SYT2: variants seen among roughly 807,000 people sequenced by gnomAD.
SYT2 encodes the protein synaptotagmin-2.
SYT2 carries 15 observed loss-of-function variants against 39.9 expected under a neutral mutation model. The ratio of observed to expected loss-of-function variants is 0.38; its 90% CI spans 0.25 to 0.58. The LOEUF is 0.58. SYT2 is among the 20% of genes least tolerant of loss of function. The pLI is 0.70. For synonymous variants in SYT2, 181 were observed against 204.5 expected, an observed-to-expected ratio of 0.89 and a Z score of 0.98; for missense variants, 389 against 530.3, an observed-to-expected ratio of 0.73 and a Z score of 2.62.
chr1:202,688,810 G>A (rs1042451443), intron 1 of SYT2, among the ~76,000 whole-genome samples: 1 of 152,224 alleles, frequency 6.6e-6, no homozygotes. Context: ...TAGAACTGGT[G>A]AGCATGGTCT....
At chr1:202,658,489 G>A (rs533220312) in intron 1 of SYT2, among the ~76,000 whole-genome samples, 150 of 152,082 alleles carry the variant, frequency 9.9e-4, no homozygotes, top group African/African-American at 3.4e-3. Flanking sequence ...TGGCAGGATG[G>A]CTGAAGTCCC....
chr1:202,682,429 T>C (rs1263940037), intron 1 of SYT2, among the ~76,000 whole-genome samples: 1 of 151,998 alleles, frequency 6.6e-6, no homozygotes, highest in Non-Finnish European at 1.5e-5. Flanking sequence ...ATACAGCTCA[T>C]TGTGAAAGGA....
At chr1:202,699,213 G>C (rs1177726437) in intron 1 of SYT2, among the ~76,000 whole-genome samples, 4 of 151,788 alleles carry the variant, frequency 2.6e-5, no homozygotes, top group Non-Finnish European at 5.9e-5. Flanking sequence ...GTAGAGATGG[G>C]GTCTCGCTAT....
intron 8 of SYT2, 133 bp from the exon 9 acceptor site, chr1:202,597,096 C>T: frequency 1.4e-6 from 1 of 732,982 alleles, no homozygotes; most frequent in Non-Finnish European, 2.3e-6. Context: ...TTCATCTCTG[C>T]TCCAGTGAAG....
At chr1:202,686,074 C>T (rs1363183974) in intron 1 of SYT2, among the ~76,000 whole-genome samples, 2 of 152,194 alleles carry the variant, frequency 1.3e-5, no homozygotes, top group African/African-American at 4.8e-5. Context: ...ATCTGTCCCA[C>T]TCAAATTTAA....
chr1:202,667,310 A>G (rs1198237484), intron 1 of SYT2, among the ~76,000 whole-genome samples: 2 of 152,190 alleles, frequency 1.3e-5, no homozygotes, highest in African/African-American at 2.4e-5. Context: ...ACTTGAGGCA[A>G]AGAGAGAAAG....
intron 1 of SYT2, among the ~76,000 whole-genome samples, chr1:202,617,749 A>T (rs1691087070): frequency 6.6e-6 from 1 of 152,078 alleles, no homozygotes; most frequent in Non-Finnish European, 1.5e-5. Flanking sequence ...GTACTCATGC[A>T]GCTTGTGACT....
intron 1 of SYT2, among the ~76,000 whole-genome samples, chr1:202,672,966 T>G (rs890937455): frequency 6.6e-6 from 1 of 151,684 alleles, no homozygotes; most frequent in African/African-American, 2.4e-5. Context: ...GTCTTAAAAA[T>G]GTAGAGCCGA....
intron 1 of SYT2, among the ~76,000 whole-genome samples, chr1:202,647,721 C>T (rs1013022680): frequency 6.6e-6 from 1 of 152,170 alleles, no homozygotes; most frequent in Non-Finnish European, 1.5e-5. Flanking sequence ...TTATTCCCTT[C>T]CAGAAACGAA....
chr1:202,604,848 A>C (rs992041306), intron 2 of SYT2, among the ~76,000 whole-genome samples: 12 of 93,022 alleles, frequency 1.3e-4, no homozygotes, highest in African/African-American at 4.7e-4. Flanking sequence ...TTTTTTGCCT[A>C]CTGTCCTTGT....
intron 1 of SYT2, among the ~76,000 whole-genome samples, chr1:202,657,128 A>G (rs1310804680): frequency 6.6e-6 from 1 of 152,212 alleles, no homozygotes; most frequent in Admixed American, 6.5e-5. Flanking sequence ...AGCACACCCT[A>G]CATAAGAGCC....
chr1:202,682,200 G>A lies in SYT2; in HGVS notation c.-18+28058C>T, dbSNP rs532175426. Reference sequence around the variant, plus strand: ...GCTGCCGGCTGGGAGCCAGGCACACGGGGGTATTCAAGGGAGCACGTTGGC... The same window carrying A: ...GCTGCCGGCTGGGAGCCAGGCACACAGGGGTATTCAAGGGAGCACGTTGGC... On this transcript the variant is annotated intron_variant, in intron 1 of 8. Transcript: ENST00000367268. Among the ~76,000 whole-genome samples, 15 of 152,262 alleles carry A rather than the reference G, an allele frequency of 9.9e-5. No homozygotes were observed. In the East Asian group the frequency reaches 2.1e-3, roughly 22 times the overall value.
intron 1 of SYT2, among the ~76,000 whole-genome samples, chr1:202,691,203 G>A (rs1653808599): frequency 6.6e-6 from 1 of 152,136 alleles, no homozygotes; most frequent in African/African-American, 2.4e-5. Flanking sequence ...AGGTTGTGGA[G>A]GGTTCCAAGT....
At position 202,682,295 on chromosome 1, in the gene SYT2, C is replaced by T. The variant is rs375050536; in HGVS notation, c.-18+27963G>A. Among the ~76,000 whole-genome samples the T allele has an allele frequency of 1.4e-4, 21 of 152,276 alleles. No individual in the cohort carries two copies. In the East Asian group the frequency reaches 3.3e-3, roughly 24 times the overall value. On this transcript the variant is annotated intron_variant, in intron 1 of 8. Transcript: ENST00000367268. Reference sequence around the variant, plus strand: ...GGCTTGTGCATGACTTCTGACTGCCCCTCCCCTGCCTGGCTCAAACACGCC... The same window carrying T: ...GGCTTGTGCATGACTTCTGACTGCCTCTCCCCTGCCTGGCTCAAACACGCC...
chr1:202,622,747 T>C (rs982934005), intron 1 of SYT2, among the ~76,000 whole-genome samples: 1 of 152,158 alleles, frequency 6.6e-6, no homozygotes, highest in Non-Finnish European at 1.5e-5. Context: ...AGTGAGGCTC[T>C]GTAAACCTGC....
At position 202,601,787 on chromosome 1, in the gene SYT2, G is replaced by A. The variant is rs1690512253; in HGVS notation, c.801+103C>T. ...GTGTGGAGCTGGGATCCTAACACAGGTCGTCTGCCTCCAAAGCCCACCCTG... is the reference window on the plus strand; with the variant it reads ...GTGTGGAGCTGGGATCCTAACACAGATCGTCTGCCTCCAAAGCCCACCCTG... On this transcript the variant is annotated intron_variant, in intron 6 of 8. Coordinates refer to ENST00000367268, the MANE Select transcript of SYT2 (RefSeq NM_177402.5). The surrounding 1 kb of genome is among the most constrained non-coding windows in gnomAD (Gnocchi z 4.0). 3 of 1,258,804 alleles carry A rather than the reference G, an allele frequency of 2.4e-6. No individual in the cohort carries two copies. The highest frequency in any genetic ancestry group is 3.4e-6 in the Non-Finnish European group (3 of 891,196). The allele number at this position is 1,258,804 out of a possible 1,614,324, so 78.0% of individuals were successfully genotyped here.
chr1:202,691,895 G>C (rs1302769194), intron 1 of SYT2, among the ~76,000 whole-genome samples: 1 of 152,020 alleles, frequency 6.6e-6, no homozygotes, highest in Non-Finnish European at 1.5e-5. Context: ...TGAATCAAGA[G>C]GCCAGAAATG....
intron 1 of SYT2, among the ~76,000 whole-genome samples, chr1:202,692,182 T>C (rs1234662998): frequency 6.6e-6 from 1 of 152,070 alleles, no homozygotes; most frequent in Non-Finnish European, 1.5e-5. Context: ...TGCTCTGACC[T>C]GACATAGAGA....
intron 1 of SYT2, among the ~76,000 whole-genome samples, chr1:202,708,039 C>G (rs1329108634): frequency 6.6e-6 from 1 of 152,202 alleles, no homozygotes; most frequent in Non-Finnish European, 1.5e-5. Context: ...CTCCTCGGCC[C>G]TGCGAGGTCT....
Sources: allele counts gnomAD v4.1 joint callset (sites outside exome capture counted in the v4.1 genomes callset), GRCh38; gene constraint gnomAD v4.1.1; non-coding constraint Gnocchi (gnomAD v3.1); transcripts MANE v1.5; gene names NCBI Gene and HGNC (gene_info 2026-07-23, HGNC 2026-07-21).